Variants in TM9SF2 observed in about 807,000 individuals in gnomAD.
The protein encoded by TM9SF2 is transmembrane 9 superfamily member 2.
In TM9SF2, 13 loss-of-function variants were observed where a neutral mutation model predicts 84.9. The observed-to-expected ratio is 0.15, with a 90% CI of 0.10 to 0.24. The LOEUF (loss-of-function observed/expected upper bound fraction) is 0.24. Among genes scored for constraint, TM9SF2 ranks in the 10% least tolerant of loss-of-function variants. The pLI is 1.00. For synonymous variants in TM9SF2, 273 were observed against 285.8 expected, an observed-to-expected ratio of 0.96 and a Z score of 0.45; for missense variants, 562 against 818.5, an observed-to-expected ratio of 0.69 and a Z score of 3.82.
chr13:99,521,044 A>G (rs1252949025), intron 3 of TM9SF2, among the ~76,000 whole-genome samples: 2 of 152,162 alleles, frequency 1.3e-5, no homozygotes, highest in Admixed American at 6.5e-5. Context: ...TCCACATTGC[A>G]TAATCCCTGT....
At chr13:99,557,694 G>T (rs915926686) in intron 15 of TM9SF2, among the ~76,000 whole-genome samples, 11 of 151,976 alleles carry the variant, frequency 7.2e-5, no homozygotes, top group Non-Finnish European at 8.8e-5. Context: ...AGACCAGCCT[G>T]GGCAACATAG....
At chr13:99,537,384 A>C (rs550547335) in intron 5 of TM9SF2, among the ~76,000 whole-genome samples, 1 of 152,348 alleles carries the variant, frequency 6.6e-6, no homozygotes, top group South Asian at 2.1e-4. Flanking sequence ...GTCCAAACTT[A>C]TAAGCTTCCA....
Position 99,562,814 on chromosome 13 carries a change from G to A in TM9SF2, c.*56G>A. On this transcript the variant is annotated 3_prime_UTR_variant, in exon 17 of 17. Transcript: ENST00000376387. ...ATAAATTAAACTCTTCATCAACAAA[G>A]ACCTGTTTTTGTGACTGCCTTGAGT... The A allele has an allele frequency of 6.5e-7, 1 of 1,547,996 alleles. No individual in the cohort carries two copies. The highest frequency in any genetic ancestry group is 8.8e-7 in the Non-Finnish European group (1 of 1,130,218).
intron 2 of TM9SF2, 89 bp from the exon 3 acceptor site, chr13:99,519,945 ATC>A (rs1404480491): frequency 1.9e-6 from 2 of 1,079,232 alleles, no homozygotes; most frequent in Admixed American, 2.1e-5. Flanking sequence ...TGCTACAATG[ATC>A]AGTACCTAAT....
chr13:99,504,509 T>C (rs1041195719), intron 1 of TM9SF2, among the ~76,000 whole-genome samples: 1 of 152,228 alleles, frequency 6.6e-6, no homozygotes, highest in Non-Finnish European at 1.5e-5. Flanking sequence ...CTTCAACTTA[T>C]ATATAATTTA....
chr13:99,520,749 T>C (rs2046155913), intron 3 of TM9SF2, among the ~76,000 whole-genome samples: 3 of 152,158 alleles, frequency 2.0e-5, no homozygotes, highest in Admixed American at 2.0e-4. Context: ...TTTGTATTTT[T>C]AGTAGAGATG....
At chr13:99,559,214 T>C in intron 15 of TM9SF2, 149 bp from the exon 16 acceptor site, 2 of 617,860 alleles carry the variant, frequency 3.2e-6, no homozygotes, top group Non-Finnish European at 5.1e-6. Context: ...GTGGAATGGG[T>C]GAAGTTCAAT....
At chr13:99,561,579 C>T (rs1717854593) in intron 16 of TM9SF2, among the ~76,000 whole-genome samples, 2 of 152,164 alleles carry the variant, frequency 1.3e-5, no homozygotes, top group Non-Finnish European at 2.9e-5. Flanking sequence ...ACACATTGTG[C>T]TTTGCATATA....
intron 12 of TM9SF2, among the ~76,000 whole-genome samples, chr13:99,551,719 T>C (rs918805774): frequency 2.6e-5 from 4 of 152,294 alleles, no homozygotes; most frequent in Admixed American, 6.5e-5. Flanking sequence ...TGACAAGATA[T>C]TTAACAAGGA....
chr13:99,538,081 G>A (rs1426536346), intron 6 of TM9SF2, among the ~76,000 whole-genome samples: 1 of 152,178 alleles, frequency 6.6e-6, no homozygotes, highest in Non-Finnish European at 1.5e-5. Context: ...AGGTGCCTTA[G>A]TGTTTTGTTT....
chr13:99,509,322 C>G (rs1194384061), intron 1 of TM9SF2, among the ~76,000 whole-genome samples: 1 of 152,184 alleles, frequency 6.6e-6, no homozygotes, highest in Non-Finnish European at 1.5e-5. Flanking sequence ...TAGGCAGTAC[C>G]CTGGCGGGGA....
chr13:99,501,740 A>G lies in TM9SF2; in HGVS notation c.134A>G (p.Asn45Ser), dbSNP rs779051471. Residue 45 changes from asparagine (N) to serine (S), a missense_variant, in exon 1 of 17, where the codon AAC becomes AGC. By Grantham distance (46) the Asn-to-Ser change is conservative. Coordinates refer to ENST00000376387, the MANE Select transcript of TM9SF2 (RefSeq NM_004800.3). ...TACCTGCCCGGCCTGGCGCCCGTCA[A>G]CTTCTGCGACGAAGAAAAAAAGAGC... Reference protein sequence around the residue: ...AFYLPGLAPVNFCDEEKKSDE... With the variant: ...AFYLPGLAPVSFCDEEKKSDE... 12 of 1,611,760 alleles carry G rather than the reference A, an allele frequency of 7.4e-6. No homozygotes were observed. The highest frequency in any genetic ancestry group is 3.3e-5 in the South Asian group (3 of 91,044).
intron 12 of TM9SF2, among the ~76,000 whole-genome samples, chr13:99,551,549 G>T (rs77877269): frequency 0.024 from 3,630 of 152,318 alleles, 68 homozygotes; most frequent in Non-Finnish European, 0.037. Context: ...GTGCACAAAG[G>T]ATAAAAGGGA....
At chr13:99,534,766 C>G (rs965065843) in intron 4 of TM9SF2, among the ~76,000 whole-genome samples, 7 of 152,196 alleles carry the variant, frequency 4.6e-5, no homozygotes, top group African/African-American at 9.6e-5. Flanking sequence ...ATTATTCAGT[C>G]TGTCAGATTG....
rs2046065493 is a variant in TM9SF2, at chr13:99,501,603, T to C, written c.-4T>C. On this transcript the variant is annotated 5_prime_UTR_variant, in exon 1 of 17. Transcript: ENST00000376387. Reference sequence around the variant, plus strand: ...TTGATTGCCCTTTCCCCGAAACAACTATCATGAGCGCGAGGCTGCCGGTGT... The same window carrying C: ...TTGATTGCCCTTTCCCCGAAACAACCATCATGAGCGCGAGGCTGCCGGTGT... The C allele has an allele frequency of 1.2e-6, 2 of 1,611,744 alleles. No homozygotes were observed. The highest frequency in any genetic ancestry group is 1.7e-6 in the Non-Finnish European group (2 of 1,179,074).
rs10508038 is a variant in TM9SF2, at chr13:99,535,890, G to C, written c.462-718G>C. Among the ~76,000 whole-genome samples the C allele has an allele frequency of 9.2e-3, 1,407 of 152,236 alleles. 10 individuals are homozygous for C. The highest frequency in any genetic ancestry group is 0.039 in the South Asian group (188 of 4,830). ...TTTATTTTCTGCTTTTATTATTTAA[G>C]TCCTTTTTCACTATAGAACTTGAAA... On this transcript the variant is annotated intron_variant, in intron 4 of 16. Transcript: ENST00000376387.
At position 99,552,268 on chromosome 13, in the gene TM9SF2, G is replaced by T; in HGVS notation, c.1430G>T (p.Trp477Leu). The T allele has an allele frequency of 6.2e-7, 1 of 1,614,044 alleles. No homozygotes were observed. The highest frequency in any genetic ancestry group is 8.5e-7 in the Non-Finnish European group (1 of 1,179,986). ...ACACTGGTTGCCATATTGGCCCTTT[G>T]GTTCTGCATATCTGTGCCTCTGACG... is the stretch of plus-strand genomic sequence containing the variant. ...FGTLVAILAL[W>L]FCISVPLTFI... The change falls in exon 13 of 17, where the codon TGG (tryptophan) becomes TTG (leucine). Residue 477 changes from tryptophan (W) to leucine (L), a missense_variant. Transcript: ENST00000376387.
chr13:99,554,591 A>G, intron 14 of TM9SF2, 136 bp downstream of exon 14: 2 of 942,806 alleles, frequency 2.1e-6, no homozygotes, highest in Non-Finnish European at 3.0e-6. Flanking sequence ...TAAAAGCCAA[A>G]AGCTTATTTT....
chr13:99,536,484 G>A (rs2046235122), intron 4 of TM9SF2, 124 bp from the exon 5 acceptor site: 1 of 1,171,416 alleles, frequency 8.5e-7, no homozygotes, highest in Non-Finnish European at 1.2e-6. Context: ...ATTCTTTGTG[G>A]TTTTTGTAAT....
Sources: allele counts gnomAD v4.1 joint callset (sites outside exome capture counted in the v4.1 genomes callset), GRCh38; gene constraint gnomAD v4.1.1; transcripts MANE v1.5; gene names NCBI Gene and HGNC (gene_info 2026-07-23, HGNC 2026-07-21).